Variants in ARHGEF12 observed in about 807,000 individuals in gnomAD.
The protein encoded by ARHGEF12 is Rho guanine nucleotide exchange factor 12, also known as KMT2A/ARHGEF12 fusion protein.
Under a neutral mutation model 211.2 loss-of-function variants are expected in ARHGEF12, and 66 were observed. That is an observed-to-expected ratio of 0.31 (90% CI 0.26 to 0.38). ARHGEF12 has a LOEUF of 0.38. Among genes scored for constraint, ARHGEF12 ranks in the 10% least tolerant of loss-of-function variants. The pLI is 1.00. For synonymous variants in ARHGEF12, 592 were observed against 638.4 expected, an observed-to-expected ratio of 0.93 and a Z score of 1.09; for missense variants, 1,429 against 1,869.5, an observed-to-expected ratio of 0.76 and a Z score of 4.34.
At chr11:120,457,671 A>G (rs1349113685) in intron 23 of ARHGEF12, 50 bp from the exon 24 acceptor site, 5 of 1,456,940 alleles carry the variant, frequency 3.4e-6, no homozygotes, top group Middle Eastern at 2.0e-4. Flanking sequence ...GTATAAATGT[A>G]TTGATCACCA....
At chr11:120,479,394 A>G (rs984809627) in intron 37 of ARHGEF12, among the ~76,000 whole-genome samples, 1 of 152,250 alleles carries the variant, frequency 6.6e-6, no homozygotes, top group Non-Finnish European at 1.5e-5. Flanking sequence ...GGTTGGAATA[A>G]CATTGTCCCA....
At chr11:120,398,469 G>A (rs1463715711) in intron 1 of ARHGEF12, among the ~76,000 whole-genome samples, 1 of 152,170 alleles carries the variant, frequency 6.6e-6, no homozygotes, top group Non-Finnish European at 1.5e-5. Context: ...AAAATGGCAT[G>A]CATATAATTA....
At chr11:120,462,122 T>G (rs563544968) in intron 27 of ARHGEF12, among the ~76,000 whole-genome samples, 62 of 152,340 alleles carry the variant, frequency 4.1e-4, no homozygotes, top group Admixed American at 6.5e-4. Flanking sequence ...CATGCCTTCC[T>G]TACTAAACTT....
At chr11:120,338,522 C>G (rs1421242703) in intron 1 of ARHGEF12, among the ~76,000 whole-genome samples, 1 of 152,126 alleles carries the variant, frequency 6.6e-6, no homozygotes, top group Non-Finnish European at 1.5e-5. Context: ...GTGTATTTTT[C>G]AAAGTGGGTT....
intron 1 of ARHGEF12, among the ~76,000 whole-genome samples, chr11:120,387,056 C>T (rs7937663): frequency 1.1e-4 from 17 of 152,002 alleles, no homozygotes; most frequent in African/African-American, 4.1e-4. Flanking sequence ...AGTGATTGAG[C>T]AAATCATTTA....
At chr11:120,347,282 G>T (rs867974442) in intron 1 of ARHGEF12, among the ~76,000 whole-genome samples, 1 of 143,356 alleles carries the variant, frequency 7.0e-6, no homozygotes, top group African/African-American at 2.6e-5. Flanking sequence ...GTGTGTGTGT[G>T]TGTGTGTGTG....
chr11:120,344,698 A>T (rs111306067), intron 1 of ARHGEF12, among the ~76,000 whole-genome samples: 450 of 152,330 alleles, frequency 3.0e-3, no homozygotes, highest in Non-Finnish European at 5.0e-3. Flanking sequence ...ATAGATGGTT[A>T]TAATGATGTA....
In ARHGEF12 at chr11:120,486,768, T is replaced by C. The variant is rs1231624265; in HGVS notation, c.*1691T>C. The C allele has an allele frequency of 9.2e-6, 2 of 218,520 alleles. No individual in the cohort carries two copies. The highest frequency in any genetic ancestry group is 4.5e-5 in the African/African-American group (2 of 44,588). The allele number at this position is 218,520 out of a possible 1,614,324, so 13.5% of individuals were successfully genotyped here. ...GCCCACCTACTTTTATAAACACCAC[T>C]GCAACTTAACAAGTTTATTTATCTA... On this transcript the variant is annotated 3_prime_UTR_variant, in exon 41 of 41. Coordinates refer to ENST00000397843, the MANE Select transcript of ARHGEF12 (RefSeq NM_015313.3).
intron 1 of ARHGEF12, among the ~76,000 whole-genome samples, chr11:120,373,679 TTTCTATGTTTTTTTCCCCC>T (rs1439601006): frequency 3.3e-5 from 5 of 152,326 alleles, no homozygotes; most frequent in South Asian, 2.1e-4. Flanking sequence ...TTTTTTCACC[TTTCTATGTTTTTTTCCCCC>T]TTCTATGTTT....
chr11:120,416,587 G>A (rs1355621895), intron 4 of ARHGEF12, among the ~76,000 whole-genome samples: 3 of 152,068 alleles, frequency 2.0e-5, no homozygotes, highest in Non-Finnish European at 4.4e-5. Context: ...TTTCCCTTCT[G>A]TCTTCCTTAC....
chr11:120,384,525 GT>G (rs1943971508), intron 1 of ARHGEF12, among the ~76,000 whole-genome samples: 1 of 152,202 alleles, frequency 6.6e-6, no homozygotes, highest in Non-Finnish European at 1.5e-5. Context: ...TTAGAGCAGT[GT>G]TTGAGGCAAA....
intron 1 of ARHGEF12, among the ~76,000 whole-genome samples, chr11:120,404,395 C>T (rs1350666421): frequency 6.6e-6 from 1 of 152,056 alleles, no homozygotes; most frequent in Non-Finnish European, 1.5e-5. Flanking sequence ...TATTTATTTG[C>T]TTTAGCAGAT....
chr11:120,341,809 A>C (rs745904517), intron 1 of ARHGEF12, among the ~76,000 whole-genome samples: 1 of 152,246 alleles, frequency 6.6e-6, no homozygotes, highest in Non-Finnish European at 1.5e-5. Context: ...ATTTGAAGAC[A>C]TGCTCCTTTC....
At chr11:120,351,437 ATATATATATATATATATATTTTTT>A (rs1318972344) in intron 1 of ARHGEF12, among the ~76,000 whole-genome samples, 22 of 3,288 alleles carry the variant, frequency 6.7e-3, no homozygotes, top group African/African-American at 0.017. Context: ...ATATATATAT[ATATATATATATATATATATTTTTT>A]TTTTTTTTTT....
At chr11:120,457,885 T>C in intron 24 of ARHGEF12, 129 bp downstream of exon 24, 1 of 1,192,814 alleles carries the variant, frequency 8.4e-7, no homozygotes, top group Non-Finnish European at 1.2e-6. Flanking sequence ...AAAAGAAAGC[T>C]CTTAAGAAAC....
intron 39 of ARHGEF12, among the ~76,000 whole-genome samples, chr11:120,481,980 C>A (rs1405383364): frequency 6.6e-6 from 1 of 152,036 alleles, no homozygotes; most frequent in Non-Finnish European, 1.5e-5. Flanking sequence ...AGGATGGTCT[C>A]GATCTCCTGA....
chr11:120,484,916 TTG>T, intron 40 of ARHGEF12, 149 bp from the exon 41 acceptor site: 1 of 794,892 alleles, frequency 1.3e-6, no homozygotes, highest in Admixed American at 2.4e-5. Context: ...GCAGATGGAT[TTG>T]TGTTCCCTGC....
intron 33 of ARHGEF12, 141 bp downstream of exon 33, chr11:120,475,648 T>G (rs987907572): frequency 3.5e-5 from 31 of 876,846 alleles, no homozygotes; most frequent in African/African-American, 6.9e-5. Flanking sequence ...AATTTACTGC[T>G]TAGAAAGAGA....
intron 1 of ARHGEF12, among the ~76,000 whole-genome samples, chr11:120,405,646 T>C (rs1944678104): frequency 6.6e-6 from 1 of 152,196 alleles, no homozygotes; most frequent in Non-Finnish European, 1.5e-5. Context: ...TGTGAAGTGA[T>C]GGGAAGGAAG....
Sources: allele counts gnomAD v4.1 joint callset (sites outside exome capture counted in the v4.1 genomes callset), GRCh38; gene constraint gnomAD v4.1.1; transcripts MANE v1.5; gene names NCBI Gene and HGNC (gene_info 2026-07-23, HGNC 2026-07-21).